The following CUX2 variants were observed in gnomAD, a reference collection of about 807,000 sequenced individuals.
The protein encoded by CUX2 is homeobox protein cut-like 2.
In CUX2, 40 loss-of-function variants were observed where a neutral mutation model predicts 144.8. That is an observed-to-expected ratio of 0.28 (90% confidence interval 0.21 to 0.36). CUX2 has a LOEUF of 0.36. CUX2 is among the 10% of genes least tolerant of loss of function. The pLI is 1.00. For missense variants in CUX2, 1,615 were observed against 1,994.0 expected (o/e 0.81, Z 3.62); for synonymous variants, 827 against 875.6 (o/e 0.94, Z 0.98).
chr12:111,282,960 C>A (rs1019199613), intron 4 of CUX2, among the ~76,000 whole-genome samples: 2 of 152,104 alleles, frequency 1.3e-5, no homozygotes, highest in Admixed American at 1.3e-4. Context: ...CGTCTGTAAT[C>A]CCAGCACTTT....
intron 1 of CUX2, among the ~76,000 whole-genome samples, chr12:111,120,961 A>G (rs1333985703): frequency 1.3e-5 from 2 of 152,144 alleles, no homozygotes; most frequent in Non-Finnish European, 2.9e-5. Flanking sequence ...CAGAAGCTCA[A>G]GGTATTCCTG....
intron 3 of CUX2, among the ~76,000 whole-genome samples, chr12:111,247,968 G>A (rs1265947028): frequency 3.9e-5 from 6 of 152,202 alleles, no homozygotes; most frequent in African/African-American, 1.4e-4. Context: ...GTGCAGTGGT[G>A]CAATCTTGGC....
At position 111,037,413 on chromosome 12, in the gene CUX2, T is replaced by C. The variant is rs899154920; in HGVS notation, c.63+3173T>C. ...GTATATTTTTCAAAAATGGAAGCGT[T>C]CCAGTTATTATTCCTTCCAGCGCCG... is the stretch of plus-strand genomic sequence containing the variant. On this transcript the variant is annotated intron_variant, in intron 1 of 21. Transcript: ENST00000261726. This position sits in a 1 kb window ranked among gnomAD's most constrained non-coding sequence, Gnocchi z 5.4. Among the ~76,000 whole-genome samples, 2 of 152,202 alleles carry C rather than the reference T, an allele frequency of 1.3e-5. No homozygotes were observed. Among genetic ancestry groups the C allele is most frequent in the African/African-American group, 4.8e-5 (2 of 41,438 alleles).
chr12:111,301,038 C>CAAAAAAA (rs3061127), intron 9 of CUX2, among the ~76,000 whole-genome samples: 11 of 106,544 alleles, frequency 1.0e-4, no homozygotes, highest in African/African-American at 2.4e-4. Flanking sequence ...GACCCTATCT[C>CAAAAAAA]AAAAAAAAAA....
rs1879542291 is a variant in CUX2, at chr12:111,186,549, C to A, written c.64-27651C>A. Among the ~76,000 whole-genome samples, 1 of 152,128 alleles carries A rather than the reference C, an allele frequency of 6.6e-6. No homozygotes were observed. The highest frequency in any genetic ancestry group is 2.1e-4 in the South Asian group (1 of 4,826). ...TCTGGCCACACCCGGCCACCAGGAC[C>A]CATGGTTGCTGAGAGAGAGAAGGGC... On this transcript the variant is annotated intron_variant, in intron 1 of 21. Coordinates refer to ENST00000261726, the MANE Select transcript of CUX2 (RefSeq NM_015267.4). The surrounding 1 kb of genome is among the most constrained non-coding windows in gnomAD (Gnocchi z 4.4).
Position 111,320,209 on chromosome 12 carries a change from G to A in CUX2, c.2200G>A (p.Ala734Thr). 1 of 1,544,660 alleles carries A rather than the reference G, an allele frequency of 6.5e-7. No homozygotes were observed. Among genetic ancestry groups the A allele is most frequent in the Non-Finnish European group, 8.7e-7 (1 of 1,153,188 alleles). Residue 734 changes from alanine (A) to threonine (T), a missense_variant, in exon 17 of 22, where the codon GCC becomes ACC. Physicochemically the swap from Ala to Thr is moderately conservative, Grantham distance 58 (BLOSUM62 0). Around this residue, in one of 12 missense-constraint regions of CUX2, gnomAD observed 390 missense variants for 387.1 expected, o/e 1.01. Coordinates refer to ENST00000261726, the MANE Select transcript of CUX2 (RefSeq NM_015267.4). This position sits in a 1 kb window ranked among gnomAD's most constrained non-coding sequence, Gnocchi z 8.1. ...PPSPPERPSL[A>T]TASQNGAPAL... ...CTCGCCCCCGGAGCGGCCATCACTGGCCACCGCGAGCCAGAACGGGGCCCC... is the reference window on the plus strand; with the variant it reads ...CTCGCCCCCGGAGCGGCCATCACTGACCACCGCGAGCCAGAACGGGGCCCC...
Position 111,320,386 on chromosome 12 carries a change from C to A in CUX2, c.2377C>A (p.Arg793Ser), listed in dbSNP as rs773164638. 6.3e-7 allele frequency: 1 copy of A among 1,598,012 alleles called. No individual in the cohort carries two copies. The highest frequency in any genetic ancestry group is 1.7e-5 in the Admixed American group (1 of 59,964). The change falls in exon 17 of 22, where the codon CGC (arginine) becomes AGC (serine). Residue 793 changes from arginine to serine, a missense_variant. This residue lies in a region of CUX2 where 390 missense variants were observed against 387.1 expected (regional missense o/e 1.01). Transcript: ENST00000261726. The surrounding 1 kb of genome is among the most constrained non-coding windows in gnomAD (Gnocchi z 8.1). ...CTTCGACCACCACTGGGCCTCCGAC[C>A]GCGGCCTGCTCAGCCGCCCCTACGC... Reference protein sequence around the residue: ...GYFDHHWASDRGLLSRPYASV... With the variant: ...GYFDHHWASDSGLLSRPYASV...
intron 3 of CUX2, among the ~76,000 whole-genome samples, chr12:111,225,798 G>A (rs915880027): frequency 2.6e-5 from 4 of 152,176 alleles, no homozygotes; most frequent in African/African-American, 7.2e-5. Flanking sequence ...AGGAAAGCCC[G>A]CCGCATACAA....
chr12:111,039,226 A>G lies in CUX2; in HGVS notation c.63+4986A>G, dbSNP rs1466276148. The stretch of plus-strand genomic sequence containing the variant: ...GAGGTGAAGCATTGGAAGGGGACTC[A>G]GGTGGTGACCTGCCTTTGTTCCTGG... On this transcript the variant is annotated intron_variant, in intron 1 of 21. Coordinates refer to ENST00000261726, the MANE Select transcript of CUX2 (RefSeq NM_015267.4). The surrounding 1 kb of genome is among the most constrained non-coding windows in gnomAD (Gnocchi z 4.2). Among the ~76,000 whole-genome samples, 2 of 152,166 alleles carry G rather than the reference A, an allele frequency of 1.3e-5. No homozygotes were observed. The highest frequency in any genetic ancestry group is 2.9e-5 in the Non-Finnish European group (2 of 68,040).
intron 4 of CUX2, among the ~76,000 whole-genome samples, chr12:111,282,703 A>C (rs1885178090): frequency 6.6e-6 from 1 of 151,440 alleles, no homozygotes; most frequent in African/African-American, 2.4e-5. Flanking sequence ...ACGGTGGGGT[A>C]GGCTGGAAGT....
Position 111,152,904 on chromosome 12 carries a change from T to C in CUX2, c.64-61296T>C, listed in dbSNP as rs1321550421. Reference sequence around the variant, plus strand: ...CCAGAAACATAAAGAAGGCACCTTCTGGGAAACAGAACCAAAGAGAGAAGG... The same window carrying C: ...CCAGAAACATAAAGAAGGCACCTTCCGGGAAACAGAACCAAAGAGAGAAGG... On this transcript the variant is annotated intron_variant, in intron 1 of 21. Transcript: ENST00000261726. Among the ~76,000 whole-genome samples, 5 of 152,172 alleles carry C rather than the reference T, an allele frequency of 3.3e-5. No homozygotes were observed. The East Asian group carries it at 9.6e-4, about 29-fold the overall frequency.
chr12:111,058,736 A>G (rs965209016), intron 1 of CUX2, among the ~76,000 whole-genome samples: 8 of 152,166 alleles, frequency 5.3e-5, no homozygotes, highest in Admixed American at 3.9e-4. Flanking sequence ...GATCTCACGC[A>G]AGAAAGAATT....
intron 1 of CUX2, among the ~76,000 whole-genome samples, chr12:111,038,508 AC>A (rs1185627453): frequency 6.6e-6 from 1 of 152,084 alleles, no homozygotes; most frequent in Non-Finnish European, 1.5e-5. Flanking sequence ...AAACCCTTGG[AC>A]TCTCTTCTAA....
At chr12:111,301,368 A>G (rs1194810065) in intron 9 of CUX2, among the ~76,000 whole-genome samples, 4 of 152,166 alleles carry the variant, frequency 2.6e-5, no homozygotes, top group African/African-American at 9.7e-5. Flanking sequence ...CCAATTCTGA[A>G]TCTAGGTGGT....
intron 3 of CUX2, among the ~76,000 whole-genome samples, chr12:111,224,400 G>A (rs1284092561): frequency 6.6e-6 from 1 of 151,068 alleles, no homozygotes; most frequent in Non-Finnish European, 1.5e-5. Flanking sequence ...CTCTGGCCCC[G>A]AGCCCCCACC....
Position 111,310,206 on chromosome 12 carries a change from C to T in CUX2, c.1424C>T (p.Thr475Ile). Residue 475 changes from threonine to isoleucine, a missense_variant, in exon 15 of 22, where the codon ACT (threonine) becomes ATT (isoleucine). Physicochemically the swap from Thr to Ile is moderately conservative, Grantham distance 89. Around this residue, in one of 12 missense-constraint regions of CUX2, gnomAD observed 154 missense variants for 148.4 expected, o/e 1.04. Transcript: ENST00000261726. The surrounding 1 kb of genome is among the most constrained non-coding windows in gnomAD (Gnocchi z 7.9). The stretch of plus-strand genomic sequence containing the variant: ...AGCTTGGGGCCTGACGGCACTCGGA[C>T]TTTCTCGCTGTCCCCCTTCCCCAGC... Reference protein sequence around the residue: ...GPSLGPDGTRTFSLSPFPSLA... With the variant: ...GPSLGPDGTRIFSLSPFPSLA... The T allele has an allele frequency of 1.3e-6, 2 of 1,520,314 alleles. No individual in the cohort carries two copies. Among genetic ancestry groups the T allele is most frequent in the South Asian group, 2.6e-5 (2 of 75,652 alleles). 94.2% of individuals were successfully genotyped at this position (1,520,314 alleles called of 1,614,324 possible).
chr12:111,079,105 G>A (rs1398297956), intron 1 of CUX2, among the ~76,000 whole-genome samples: 1 of 152,224 alleles, frequency 6.6e-6, no homozygotes, highest in East Asian at 1.9e-4. Context: ...TCAGATAGAT[G>A]TGGGAGCTTC....
At position 111,204,787 on chromosome 12, in the gene CUX2, C is replaced by T. The variant is rs143658097; in HGVS notation, c.64-9413C>T. On this transcript the variant is annotated intron_variant, in intron 1 of 21. Coordinates refer to ENST00000261726, the MANE Select transcript of CUX2 (RefSeq NM_015267.4). ...TAGTGCTGGTCATTGTGGACCTAGT[C>T]GACAGCCAGCCCTCTATGGGGCAGT... Among the ~76,000 whole-genome samples, 207 of 152,266 alleles carry T rather than the reference C, an allele frequency of 1.4e-3. 3 individuals carry two copies. In the East Asian group the frequency reaches 0.015, roughly 11 times the overall value.
At chr12:111,046,223 C>T (rs1391419359) in intron 1 of CUX2, among the ~76,000 whole-genome samples, 1 of 152,238 alleles carries the variant, frequency 6.6e-6, no homozygotes, top group East Asian at 1.9e-4. Flanking sequence ...CTGCATGCCG[C>T]TTGGCAGGGC....
Sources: gnomAD v4.1 joint callset for allele counts (sites outside exome capture counted in the v4.1 genomes callset) on GRCh38, gnomAD v4.1.1 for gene constraint, gnomAD v4.1.1 regional missense constraint, Gnocchi (gnomAD v3.1) non-coding constraint, MANE v1.5 for transcripts, NCBI Gene and HGNC (gene_info 2026-07-23, HGNC 2026-07-21) for gene names.